Variants in HNF4G observed in about 807,000 individuals in gnomAD.
HNF4G encodes the protein hepatocyte nuclear factor 4 gamma.
In HNF4G, 21 loss-of-function variants were observed where a neutral mutation model predicts 50.9. The observed-to-expected ratio is 0.41, with a 90% CI of 0.29 to 0.59. The LOEUF is 0.59. HNF4G is among the 20% of genes least tolerant of loss of function. HNF4G has a pLI of 0.26. For synonymous variants in HNF4G, 198 were observed against 185.6 expected (o/e 1.07, Z -0.54); for missense variants, 527 against 559.4 (o/e 0.94, Z 0.58).
intron 2 of HNF4G, among the ~76,000 whole-genome samples, chr8:75,523,237 A>G (rs138026747): frequency 1.8e-3 from 276 of 152,178 alleles, no homozygotes; most frequent in Non-Finnish European, 3.6e-3. Context: ...AAAAAGAAAA[A>G]AAAGAAAGAC....
At chr8:75,515,984 G>A (rs941632232) in intron 2 of HNF4G, among the ~76,000 whole-genome samples, 2 of 152,066 alleles carry the variant, frequency 1.3e-5, no homozygotes, top group Non-Finnish European at 2.9e-5. Flanking sequence ...GGCTGGTCTC[G>A]AACTCCTGAC....
At chr8:75,503,830 CTT>C (rs1455536190) in intron 2 of HNF4G, among the ~76,000 whole-genome samples, 1 of 152,134 alleles carries the variant, frequency 6.6e-6, no homozygotes, top group East Asian at 1.9e-4. Flanking sequence ...AAGCTGTAAT[CTT>C]TTGCTGTGGA....
chr8:75,471,840 C>A (rs1812122292), intron 1 of HNF4G, among the ~76,000 whole-genome samples: 1 of 152,126 alleles, frequency 6.6e-6, no homozygotes, highest in Non-Finnish European at 1.5e-5. Flanking sequence ...ATTGGGGAAA[C>A]CTTAAAAGAG....
intron 9 of HNF4G, among the ~76,000 whole-genome samples, chr8:75,563,717 G>T (rs1427586565): frequency 1.3e-5 from 2 of 151,800 alleles, no homozygotes; most frequent in African/African-American, 4.8e-5. Context: ...AGGAAAGGCA[G>T]AAAACACCTT....
chr8:75,468,987 A>C (rs79796925), intron 1 of HNF4G, among the ~76,000 whole-genome samples: 15,508 of 151,968 alleles, frequency 0.1, 873 homozygotes, highest in Non-Finnish European at 0.12. Context: ...ATGACAAAAG[A>C]GTCATAAAAC....
At chr8:75,453,811 C>T (rs1478170633) in intron 1 of HNF4G, among the ~76,000 whole-genome samples, 2 of 152,068 alleles carry the variant, frequency 1.3e-5, no homozygotes, top group East Asian at 3.9e-4. Flanking sequence ...TGTAAAATAA[C>T]TAAAAATAAT....
At chr8:75,553,616 C>G (rs1159162277) in intron 5 of HNF4G, among the ~76,000 whole-genome samples, 1 of 151,832 alleles carries the variant, frequency 6.6e-6, no homozygotes, top group East Asian at 1.9e-4. Context: ...CCAGGTCACT[C>G]CTAGACAGAA....
At chr8:75,459,331 C>A (rs561299596) in intron 1 of HNF4G, among the ~76,000 whole-genome samples, 1 of 152,250 alleles carries the variant, frequency 6.6e-6, no homozygotes, top group African/African-American at 2.4e-5. Flanking sequence ...TGTGGCCTAT[C>A]AAAATTATGA....
intron 1 of HNF4G, among the ~76,000 whole-genome samples, chr8:75,413,550 C>T (rs1370076278): frequency 6.6e-6 from 1 of 152,020 alleles, no homozygotes; most frequent in African/African-American, 2.4e-5. Flanking sequence ...CTAAAGTTCT[C>T]CTGTCTGGCT....
intron 4 of HNF4G, among the ~76,000 whole-genome samples, chr8:75,551,919 G>A (rs1010306580): frequency 1.3e-5 from 2 of 152,052 alleles, no homozygotes; most frequent in African/African-American, 4.8e-5. Flanking sequence ...AACTGCTTTG[G>A]AAGCAGACAT....
chr8:75,482,057 C>T (rs539692688), intron 1 of HNF4G, among the ~76,000 whole-genome samples: 1 of 152,190 alleles, frequency 6.6e-6, no homozygotes, highest in Admixed American at 6.5e-5. Context: ...AACTGTCAAG[C>T]GCAATATCAC....
chr8:75,510,679 A>G (rs569023195), intron 2 of HNF4G, among the ~76,000 whole-genome samples: 2 of 152,338 alleles, frequency 1.3e-5, no homozygotes, highest in South Asian at 4.1e-4. Flanking sequence ...ACTATAGCAT[A>G]TAGCCTAGGT....
chr8:75,447,605 A>C (rs1330628902), intron 1 of HNF4G, among the ~76,000 whole-genome samples: 1 of 151,976 alleles, frequency 6.6e-6, no homozygotes, highest in Non-Finnish European at 1.5e-5. Flanking sequence ...AAACAACCCC[A>C]TCAAAAAGTG....
intron 2 of HNF4G, among the ~76,000 whole-genome samples, chr8:75,518,898 T>C (rs1243609907): frequency 1.3e-5 from 2 of 152,232 alleles, no homozygotes; most frequent in Non-Finnish European, 2.9e-5. Context: ...GAATTTCTCC[T>C]CAGAAAATGG....
At chr8:75,416,880 G>A (rs1204956365) in intron 1 of HNF4G, among the ~76,000 whole-genome samples, 1 of 152,174 alleles carries the variant, frequency 6.6e-6, no homozygotes, top group Non-Finnish European at 1.5e-5. Context: ...CTGCAGCTTT[G>A]AGCATGTTAG....
At chr8:75,554,355 A>T (rs1381901433) in intron 5 of HNF4G, among the ~76,000 whole-genome samples, 1 of 152,200 alleles carries the variant, frequency 6.6e-6, no homozygotes, top group African/African-American at 2.4e-5. Flanking sequence ...TGGGAAATTA[A>T]AATCCAGTAA....
chr8:75,431,010 T>C (rs1811005012), intron 1 of HNF4G, among the ~76,000 whole-genome samples: 1 of 151,906 alleles, frequency 6.6e-6, no homozygotes, highest in African/African-American at 2.4e-5. Flanking sequence ...AACAAACAGA[T>C]ACATTTAAAA....
At chr8:75,525,371 C>T (rs1238506628) in intron 2 of HNF4G, among the ~76,000 whole-genome samples, 2 of 152,096 alleles carry the variant, frequency 1.3e-5, no homozygotes, top group African/African-American at 4.8e-5. Context: ...GGTTTCACCG[C>T]GTTAGCCAGG....
chr8:75,534,104 T>A (rs1409480163), intron 2 of HNF4G, among the ~76,000 whole-genome samples: 5 of 151,910 alleles, frequency 3.3e-5, no homozygotes, highest in Non-Finnish European at 7.4e-5. Context: ...CTTCCCTTCA[T>A]TTTGCATAAT....
Sources: gnomAD v4.1 joint callset for allele counts (sites outside exome capture counted in the v4.1 genomes callset) on GRCh38, gnomAD v4.1.1 for gene constraint, MANE v1.5 for transcripts, NCBI Gene and HGNC (gene_info 2026-07-23, HGNC 2026-07-21) for gene names.